Variants in CAPRIN1 observed in about 807,000 individuals in gnomAD.
CAPRIN1 encodes the protein caprin-1.
Under a neutral mutation model 100.9 loss-of-function variants are expected in CAPRIN1, and 29 were observed. The observed-to-expected ratio is 0.29, with a 90% CI of 0.21 to 0.39. The LOEUF is 0.39. CAPRIN1 is among the 10% of genes least tolerant of loss of function. The pLI, the probability that CAPRIN1 is intolerant of heterozygous loss-of-function variation, is 1.00. For missense variants in CAPRIN1, 795 were observed against 876.7 expected, an observed-to-expected ratio of 0.91 and a Z score of 1.18; for synonymous variants, 338 against 307.5, an observed-to-expected ratio of 1.10 and a Z score of -1.04.
intron 15 of CAPRIN1, among the ~76,000 whole-genome samples, chr11:34,094,943 T>C (rs1851340024): frequency 6.6e-6 from 1 of 152,074 alleles, no homozygotes; most frequent in Admixed American, 6.5e-5. Flanking sequence ...AGTGCAGTGG[T>C]ACGATCTCGG....
chr11:34,056,966 GTAT>G (rs1430861724), intron 2 of CAPRIN1, among the ~76,000 whole-genome samples: 2 of 152,142 alleles, frequency 1.3e-5, no homozygotes, highest in Non-Finnish European at 2.9e-5. Context: ...GCAGTTAGTA[GTAT>G]TCTTTAAAAA....
intron 2 of CAPRIN1, among the ~76,000 whole-genome samples, chr11:34,056,295 CTTAAA>C (rs147075946): frequency 0.1 from 15,488 of 152,002 alleles, 841 homozygotes; most frequent in African/African-American, 0.15. Context: ...TGTAGTATTG[CTTAAA>C]TTAAAACAGA....
chr11:34,074,230 A>G (rs1850862522), intron 4 of CAPRIN1, among the ~76,000 whole-genome samples: 1 of 152,222 alleles, frequency 6.6e-6, no homozygotes, highest in South Asian at 2.1e-4. Context: ...ATTGCTATAC[A>G]GTTTAATGTA....
intron 2 of CAPRIN1, among the ~76,000 whole-genome samples, chr11:34,062,631 A>C (rs1850605062): frequency 6.6e-6 from 1 of 151,960 alleles, no homozygotes; most frequent in Non-Finnish European, 1.5e-5. Flanking sequence ...TCTCAAAAAA[A>C]AAAAAAAAAA....
At chr11:34,099,071 C>T in intron 18 of CAPRIN1, 4 of 1,400,428 alleles carry the variant, frequency 2.9e-6, no homozygotes, top group Non-Finnish European at 3.7e-6. Context: ...TGAATGAGTA[C>T]TGGTGGAATA....
Position 34,086,362 on chromosome 11 carries a change from C to T in CAPRIN1, c.1180C>T (p.Pro394Ser). Residue 394 changes from proline to serine, a missense_variant, in exon 11 of 19, where the codon CCT (proline) becomes TCT (serine). By Grantham distance (74) the Pro-to-Ser change is moderately conservative. Around this residue, in one of 3 missense-constraint regions of CAPRIN1, gnomAD observed 648 missense variants for 697.9 expected, o/e 0.93. Coordinates refer to ENST00000341394, the MANE Select transcript of CAPRIN1 (RefSeq NM_005898.5). Reference sequence around the variant, plus strand: ...TGATCCTGCCATTGTATCTGCACAGCCTATGAATCCAACACAAAACATGGA... The same window carrying T: ...TGATCCTGCCATTGTATCTGCACAGTCTATGAATCCAACACAAAACATGGA... ...TLDPAIVSAQPMNPTQNMDMP... is the reference protein window; with the variant it reads ...TLDPAIVSAQSMNPTQNMDMP... The T allele has an allele frequency of 6.2e-7, 1 of 1,613,898 alleles. No individual in the cohort carries two copies. Among genetic ancestry groups the T allele is most frequent in the Non-Finnish European group, 8.5e-7 (1 of 1,179,876 alleles).
At chr11:34,073,881 C>T (rs556952220) in intron 4 of CAPRIN1, among the ~76,000 whole-genome samples, 2 of 152,226 alleles carry the variant, frequency 1.3e-5, no homozygotes, top group East Asian at 1.9e-4. Flanking sequence ...ATATAAAGAA[C>T]AGAAATTTGT....
At chr11:34,094,074 C>T (rs191725725) in intron 15 of CAPRIN1, among the ~76,000 whole-genome samples, 41 of 152,182 alleles carry the variant, frequency 2.7e-4, no homozygotes, top group Admixed American at 2.3e-3. Context: ...CCGTTGTGGG[C>T]GGGCTTCATG....
chr11:34,094,740 T>C (rs1851334655), intron 15 of CAPRIN1, among the ~76,000 whole-genome samples: 1 of 152,220 alleles, frequency 6.6e-6, no homozygotes. Context: ...AAGGTTGCAG[T>C]GAGCCAAGAT....
chr11:34,060,376 A>G (rs949604844), intron 2 of CAPRIN1, among the ~76,000 whole-genome samples: 1 of 152,022 alleles, frequency 6.6e-6, no homozygotes, highest in Admixed American at 6.6e-5. Context: ...GGGTCTCACT[A>G]TCACCCAGGC....
At chr11:34,097,105 A>G in intron 16 of CAPRIN1, 91 bp from the exon 17 acceptor site, 1 of 863,720 alleles carries the variant, frequency 1.2e-6, no homozygotes, top group South Asian at 1.5e-5. Flanking sequence ...CCTGGCTTAT[A>G]ATTTCTAGTT....
At chr11:34,062,084 C>T (rs1418234373) in intron 2 of CAPRIN1, among the ~76,000 whole-genome samples, 5 of 152,084 alleles carry the variant, frequency 3.3e-5, no homozygotes, top group Non-Finnish European at 5.9e-5. Context: ...AGAAAGCTGC[C>T]ATGGATCAGC....
chr11:34,097,621 A>G (rs963949466), intron 17 of CAPRIN1, 77 bp from the exon 18 acceptor site: 3 of 1,501,292 alleles, frequency 2.0e-6, no homozygotes, highest in Middle Eastern at 1.7e-4. Flanking sequence ...TTCTGTATTG[A>G]GTGTTAGACT....
At chr11:34,052,275 C>G (rs1565078253) in intron 1 of CAPRIN1, 146 bp from the exon 2 acceptor site, 5 of 669,668 alleles carry the variant, frequency 7.5e-6, no homozygotes, top group Non-Finnish European at 9.9e-6. Flanking sequence ...TTCCTGCCCT[C>G]GAGGCGCGCC....
At chr11:34,079,905 G>GTT (rs377455073) in intron 7 of CAPRIN1, 140 bp downstream of exon 7, 7 of 316,642 alleles carry the variant, frequency 2.2e-5, no homozygotes, top group African/African-American at 2.0e-4. Flanking sequence ...GCATGACAAA[G>GTT]TTTTTTTTTT....
intron 6 of CAPRIN1, 92 bp downstream of exon 6, chr11:34,076,734 TAG>T: frequency 5.3e-6 from 5 of 938,690 alleles, no homozygotes; most frequent in Non-Finnish European, 6.5e-6. Context: ...AGAAAAAAAT[TAG>T]TTTTTTTTTT....
intron 4 of CAPRIN1, 101 bp from the exon 5 acceptor site, chr11:34,076,135 C>T: frequency 1.4e-6 from 1 of 734,032 alleles, no homozygotes; most frequent in East Asian, 2.6e-5. Flanking sequence ...TCATATCTCA[C>T]TCATTGAGTA....
chr11:34,072,568 T>C (rs1390490051), intron 4 of CAPRIN1, among the ~76,000 whole-genome samples: 1 of 152,220 alleles, frequency 6.6e-6, no homozygotes, highest in East Asian at 1.9e-4. Context: ...AATTATTCTC[T>C]GCTTTAGGAA....
intron 4 of CAPRIN1, among the ~76,000 whole-genome samples, chr11:34,072,316 T>TTAA (rs1318274479): frequency 2.0e-4 from 23 of 115,074 alleles, no homozygotes; most frequent in African/African-American, 7.5e-4. Flanking sequence ...ACCCCATCTC[T>TTAA]AAAAAAAAAA....
Sources: gnomAD v4.1 joint callset for allele counts (sites outside exome capture counted in the v4.1 genomes callset) on GRCh38, gnomAD v4.1.1 for gene constraint, gnomAD v4.1.1 regional missense constraint, MANE v1.5 for transcripts, NCBI Gene and HGNC (gene_info 2026-07-23, HGNC 2026-07-21) for gene names.